Variants in YWHAE observed in about 807,000 individuals in gnomAD.
YWHAE encodes 14-3-3 protein epsilon.
YWHAE carries 4 observed loss-of-function variants against 30.1 expected under a neutral mutation model. The observed-to-expected ratio is 0.13, with a 90% CI of 0.07 to 0.30. The LOEUF is 0.30. YWHAE is among the 10% of genes least tolerant of loss of function. The pLI is 1.00. For synonymous variants in YWHAE, 118 were observed against 111.8 expected (o/e 1.06, Z -0.35); for missense variants, 121 against 315.9 (o/e 0.38, Z 4.68).
chr17:1,393,428 C>T (rs2073418702), intron 1 of YWHAE, among the ~76,000 whole-genome samples: 1 of 151,926 alleles, frequency 6.6e-6, no homozygotes, highest in Non-Finnish European at 1.5e-5. Context: ...TTATGATAAA[C>T]TACGGGGCTT....
chr17:1,357,253 A>T (rs2072763898), intron 4 of YWHAE, among the ~76,000 whole-genome samples: 2 of 152,056 alleles, frequency 1.3e-5, no homozygotes, highest in African/African-American at 4.8e-5. Context: ...AATACCAAAA[A>T]TTAGCCGGGC....
chr17:1,350,172 G>A (rs545285363), intron 5 of YWHAE, among the ~76,000 whole-genome samples: 57 of 149,580 alleles, frequency 3.8e-4, no homozygotes, highest in East Asian at 3.1e-3. Context: ...GGCTGGTCTC[G>A]AACTCCTGAC....
At chr17:1,360,044 C>T (rs1162475971) in intron 4 of YWHAE, among the ~76,000 whole-genome samples, 4 of 151,930 alleles carry the variant, frequency 2.6e-5, no homozygotes, top group African/African-American at 4.8e-5. Context: ...CTCACCGCAA[C>T]CTCTGCCTCC....
chr17:1,372,842 T>G (rs969588780), intron 1 of YWHAE, among the ~76,000 whole-genome samples: 15 of 151,130 alleles, frequency 9.9e-5, no homozygotes, highest in Non-Finnish European at 2.1e-4. Flanking sequence ...CGTCCCAGCT[T>G]CTCAGGAGGC....
intron 5 of YWHAE, among the ~76,000 whole-genome samples, chr17:1,348,477 T>TA (rs1342038564): frequency 6.6e-6 from 1 of 152,160 alleles, no homozygotes; most frequent in African/African-American, 2.4e-5. Flanking sequence ...ACCGTCTCTT[T>TA]AAAAAACAAA....
intron 1 of YWHAE, among the ~76,000 whole-genome samples, chr17:1,375,078 C>G (rs2073102836): frequency 6.6e-6 from 1 of 152,144 alleles, no homozygotes; most frequent in African/African-American, 2.4e-5. Context: ...TGCACACTAC[C>G]AAGCACATCA....
intron 4 of YWHAE, among the ~76,000 whole-genome samples, chr17:1,355,515 C>T (rs1340209346): frequency 1.3e-5 from 2 of 151,618 alleles, no homozygotes; most frequent in East Asian, 1.9e-4. Context: ...TTTAATTTCA[C>T]GTTAATGGAG....
intron 5 of YWHAE, among the ~76,000 whole-genome samples, chr17:1,350,755 A>AAAT (rs995842994): frequency 2.0e-5 from 3 of 148,944 alleles, no homozygotes; most frequent in African/African-American, 7.7e-5. Flanking sequence ...GTTTTTATTA[A>AAAT]AATAATAATA....
chr17:1,393,494 G>A (rs963067090), intron 1 of YWHAE, among the ~76,000 whole-genome samples: 7 of 152,084 alleles, frequency 4.6e-5, no homozygotes, highest in Non-Finnish European at 8.8e-5. Flanking sequence ...GCAATGGTGC[G>A]ATGTGGGCTC....
intron 4 of YWHAE, 107 bp downstream of exon 4, chr17:1,360,985 T>TATGC: frequency 9.8e-7 from 1 of 1,018,562 alleles, no homozygotes; most frequent in Non-Finnish European, 1.5e-6. Flanking sequence ...AAAGAATTAC[T>TATGC]ATGCAGCCAA....
chr17:1,349,740 G>C (rs554593213), intron 5 of YWHAE, among the ~76,000 whole-genome samples: 1 of 151,626 alleles, frequency 6.6e-6, no homozygotes, highest in East Asian at 1.9e-4. Flanking sequence ...AGCCTCCCAA[G>C]TAAATGGGAC....
intron 1 of YWHAE, among the ~76,000 whole-genome samples, chr17:1,386,688 G>A (rs1048625404): frequency 2.6e-5 from 4 of 152,150 alleles, no homozygotes; most frequent in African/African-American, 7.2e-5. Flanking sequence ...GGTGGCTCAC[G>A]CCTATAATCC....
chr17:1,399,516 A>T (rs1317906393), intron 1 of YWHAE: 1 of 167,328 alleles, frequency 6.0e-6, no homozygotes. Flanking sequence ...CTCCTTTGTG[A>T]GACTCCACGG....
At chr17:1,395,987 G>A (rs887688286) in intron 1 of YWHAE, among the ~76,000 whole-genome samples, 6 of 152,116 alleles carry the variant, frequency 3.9e-5, no homozygotes, top group South Asian at 2.1e-4. Context: ...GCATAGTGGC[G>A]GATGCCTGTA....
intron 4 of YWHAE, among the ~76,000 whole-genome samples, chr17:1,358,413 G>A (rs889612618): frequency 1.3e-5 from 2 of 151,458 alleles, no homozygotes; most frequent in South Asian, 4.2e-4. Context: ...CTGATTTTTT[G>A]TATTTTTAGT....
At chr17:1,380,384 C>T (rs990306486) in intron 1 of YWHAE, among the ~76,000 whole-genome samples, 1 of 152,038 alleles carries the variant, frequency 6.6e-6, no homozygotes, top group Non-Finnish European at 1.5e-5. Flanking sequence ...AGTGCGTGAG[C>T]CACCGCGCCC....
At position 1,354,242 on chromosome 17, in the gene YWHAE, C is replaced by G; in HGVS notation, c.684G>C (p.Leu228=). Reference sequence around the variant, plus strand: ...CCTGCATGTCTGAAGTCCATAGTGTCAGATTATCACGTAACAACTGCATGA... The same window carrying G: ...CCTGCATGTCTGAAGTCCATAGTGTGAGATTATCACGTAACAACTGCATGA... ...TLIMQLLRDN[L]TLWTSDMQGD... The change falls in exon 5 of 6, where the codon CTG becomes CTC. Residue 228 remains leucine, a synonymous_variant. Coordinates refer to ENST00000264335, the MANE Select transcript of YWHAE (RefSeq NM_006761.5). 1 of 1,614,052 alleles carries G rather than the reference C, an allele frequency of 6.2e-7. No individual in the cohort carries two copies. Among genetic ancestry groups the G allele is most frequent in the Non-Finnish European group, 8.5e-7 (1 of 1,179,980 alleles).
intron 5 of YWHAE, among the ~76,000 whole-genome samples, chr17:1,346,362 C>T (rs1027854429): frequency 6.6e-6 from 1 of 152,162 alleles, no homozygotes; most frequent in African/African-American, 2.4e-5. Context: ...AAACCACTTA[C>T]AATTACTACA....
At chr17:1,367,386 T>C (rs1433068440) in intron 1 of YWHAE, among the ~76,000 whole-genome samples, 1 of 152,138 alleles carries the variant, frequency 6.6e-6, no homozygotes, top group East Asian at 1.9e-4. Context: ...GAGGATTACT[T>C]GAGCCCAGTA....
Sources: gnomAD v4.1 joint callset for allele counts (sites outside exome capture counted in the v4.1 genomes callset) on GRCh38, gnomAD v4.1.1 for gene constraint, MANE v1.5 for transcripts, NCBI Gene and HGNC (gene_info 2026-07-23, HGNC 2026-07-21) for gene names.